Variants in POU3F2 observed in about 807,000 individuals in gnomAD.
POU3F2 encodes the protein POU domain, class 3, transcription factor 2.
In POU3F2, 11 loss-of-function variants were observed where a neutral mutation model predicts 33.1. The observed-to-expected ratio is 0.33, with a 90% CI of 0.21 to 0.55. The LOEUF is 0.55. Among genes scored for constraint, POU3F2 ranks in the 20% least tolerant of loss-of-function variants. The pLI is 0.91. For synonymous variants in POU3F2, 332 were observed against 289.6 expected (o/e 1.15, Z -1.49); for missense variants, 456 against 620.2 (o/e 0.74, Z 2.81).
Position 98,835,950 on chromosome 6 carries a change from C to T in POU3F2, c.1077C>T (p.Thr359=). 2.5e-6 allele frequency: 4 copies of T among 1,614,212 alleles called. No individual in the cohort carries two copies. Among genetic ancestry groups the T allele is most frequent in the Non-Finnish European group, 3.4e-6 (4 of 1,180,034 alleles). ...AAQGRKRKKR[T]SIEVSVKGAL... is the part of the protein sequence containing the mutation. ...AAGGGCGCAAGCGGAAAAAGCGGAC[C>T]TCCATCGAGGTGAGCGTCAAGGGGG... Residue 359 remains threonine, a synonymous_variant, in exon 1 of 1, where the codon ACC becomes ACT. Coordinates refer to ENST00000328345, the MANE Select transcript of POU3F2 (RefSeq NM_005604.4). This position sits in a 1 kb window ranked among gnomAD's most constrained non-coding sequence, Gnocchi z 9.7.
rs1288118226 is a variant in POU3F2 at position 98,837,453 on chromosome 6, C to T, written c.*1248C>T. ...CTTTTTTTTTACATAAAAAAAGACC[C>T]AGGAACTTAATAGTGTATGCATAAG... On this transcript the variant is annotated 3_prime_UTR_variant, in exon 1 of 1. Transcript: ENST00000328345. The T allele has an allele frequency of 6.0e-6, 1 of 166,856 alleles. No homozygotes were observed. The highest frequency in any genetic ancestry group is 1.5e-5 in the Non-Finnish European group (1 of 68,074). 10.3% of individuals were successfully genotyped at this position (166,856 alleles called of 1,614,324 possible).
Position 98,835,395 on chromosome 6 carries a change from A to G in POU3F2, c.522A>G (p.Ala174=). The G allele has an allele frequency of 6.3e-7, 1 of 1,576,682 alleles. No homozygotes were observed. Among genetic ancestry groups the G allele is most frequent in the Non-Finnish European group, 8.6e-7 (1 of 1,164,716 alleles). ...GGGCATGGCGGAGCGCGGCGGCTGC[A>G]GCGCACCTCCCACCCTCCATGGGAG... ...GPGAWRSAAA[A]AHLPPSMGAS... is the part of the protein sequence containing the mutation. The change falls in exon 1 of 1, where the codon GCA becomes GCG. Residue 174 remains alanine (A), a synonymous_variant. Coordinates refer to ENST00000328345, the MANE Select transcript of POU3F2 (RefSeq NM_005604.4). This position sits in a 1 kb window ranked among gnomAD's most constrained non-coding sequence, Gnocchi z 9.7.
rs754005443 is a variant in POU3F2, at chr6:98,835,146, C to T, written c.273C>T (p.Ser91=). 2.1e-4 allele frequency: 280 copies of T among 1,305,850 alleles called. No individual in the cohort carries two copies. The African/African-American group carries it at 3.8e-3, about 18-fold the overall frequency. The allele number at this position is 1,305,850 out of a possible 1,614,324, so 80.9% of individuals were successfully genotyped here. Residue 91 remains serine, a synonymous_variant, in exon 1 of 1, where the codon TCC becomes TCT. Coordinates refer to ENST00000328345, the MANE Select transcript of POU3F2 (RefSeq NM_005604.4). This position sits in a 1 kb window ranked among gnomAD's most constrained non-coding sequence, Gnocchi z 9.7. ...GCGGCGGGGGCGGCGGCGACGGCTC[C>T]CCGTGGTCCACCAGCCCCCTGGGCC... ...GGGGGGGGDG[S]PWSTSPLGQP...
Position 98,838,391 on chromosome 6 carries a change from G to A in POU3F2, c.*2186G>A, listed in dbSNP as rs1456347911. The A allele has an allele frequency of 6.0e-6, 1 of 166,954 alleles. No individual in the cohort carries two copies. Among genetic ancestry groups the A allele is most frequent in the Non-Finnish European group, 1.5e-5 (1 of 68,092 alleles). 10.3% of individuals were successfully genotyped at this position (166,954 alleles called of 1,614,324 possible). On this transcript the variant is annotated 3_prime_UTR_variant, in exon 1 of 1. Coordinates refer to ENST00000328345, the MANE Select transcript of POU3F2 (RefSeq NM_005604.4). The stretch of plus-strand genomic sequence containing the variant: ...TCTACAGCTTCTCTGACTCTTATAG[G>A]TTTACTAAGATGAAAGTTACCACTG...
chr6:98,835,902 G>T lies in POU3F2; in HGVS notation c.1029G>T (p.Thr343=). ...CGGACTCGTCCTCGGGCAGCCCCAC[G>T]AGCATAGACAAGATCGCAGCGCAAG... ...EEADSSSGSP[T]SIDKIAAQGR... The change falls in exon 1 of 1, where the codon ACG becomes ACT. Residue 343 remains threonine, a synonymous_variant. Coordinates refer to ENST00000328345, the MANE Select transcript of POU3F2 (RefSeq NM_005604.4). The surrounding 1 kb of genome is among the most constrained non-coding windows in gnomAD (Gnocchi z 9.7). 6.2e-7 allele frequency: 1 copy of T among 1,614,182 alleles called. No homozygotes were observed. Among genetic ancestry groups the T allele is most frequent in the Non-Finnish European group, 8.5e-7 (1 of 1,180,040 alleles).
chr6:98,834,695 A>C lies in POU3F2; in HGVS notation c.-179A>C. On this transcript the variant is annotated 5_prime_UTR_variant, in exon 1 of 1. Transcript: ENST00000328345. ...GCGGGCGGGAGGCGGCGGCGGCGGC[A>C]GCAGCAGCAGTAATAGCAGGAGCAG... The C allele has an allele frequency of 6.2e-6, 4 of 641,278 alleles. No individual in the cohort carries two copies. The highest frequency in any genetic ancestry group is 1.0e-5 in the Non-Finnish European group (4 of 388,014). 39.7% of individuals were successfully genotyped at this position (641,278 alleles called of 1,614,324 possible).
Position 98,835,361 on chromosome 6 carries a change from C to CGGG in POU3F2, c.489_491dup (p.Gly164dup), listed in dbSNP as rs776646065. ...GTGCACCACGCCGCTAACCACCACC[C>CGGG]GGGACCCGGGGCATGGCGGAGCGCG... On this transcript the variant is annotated inframe_insertion, in exon 1 of 1. Transcript: ENST00000328345. This position sits in a 1 kb window ranked among gnomAD's most constrained non-coding sequence, Gnocchi z 9.7. The CGGG allele has an allele frequency of 6.4e-7, 1 of 1,555,436 alleles. No homozygotes were observed. Among genetic ancestry groups the CGGG allele is most frequent in the South Asian group, 1.2e-5 (1 of 84,214 alleles).
rs1770033604 is a variant in POU3F2 at position 98,838,711 on chromosome 6, GA to G, written c.*2510del. 1.2e-5 allele frequency: 2 copies of G among 164,896 alleles called. No individual in the cohort carries two copies. The highest frequency in any genetic ancestry group is 4.1e-4 in the South Asian group (2 of 4,824). 10.2% of individuals were successfully genotyped at this position (164,896 alleles called of 1,614,324 possible). ...TGGTACATTTGGTTGTGCTTGTGGG[GA>G]AAATAAAAACGCAGAGATCCTTATA... On this transcript the variant is annotated 3_prime_UTR_variant, in exon 1 of 1. Transcript: ENST00000328345.
In POU3F2 at chr6:98,835,770, T is replaced by C; in HGVS notation, c.897T>C (p.Tyr299=). The C allele has an allele frequency of 1.2e-6, 2 of 1,614,116 alleles. No homozygotes were observed. The highest frequency in any genetic ancestry group is 1.7e-6 in the Non-Finnish European group (2 of 1,180,024). Residue 299 remains tyrosine (Y), a synonymous_variant, in exon 1 of 1, where the codon TAT becomes TAC. Transcript: ENST00000328345. The surrounding 1 kb of genome is among the most constrained non-coding windows in gnomAD (Gnocchi z 9.7). ...TGGGGCTGGCTCTGGGCACCCTGTA[T>C]GGCAACGTGTTCTCGCAGACCACCA... ...ADVGLALGTL[Y]GNVFSQTTIC... is the part of the protein sequence containing the mutation.
In POU3F2 at chr6:98,835,065, G is replaced by A; in HGVS notation, c.192G>A (p.Ala64=). ...GCCACGCTCACCAGTGGATCACCGCGCTGTCCCACGGCGGCGGCGGCGGGG... is the reference window on the plus strand; with the variant it reads ...GCCACGCTCACCAGTGGATCACCGCACTGTCCCACGGCGGCGGCGGCGGGG... ...PLSHAHQWIT[A]LSHGGGGGGG... Residue 64 remains alanine, a synonymous_variant, in exon 1 of 1, where the codon GCG becomes GCA. Transcript: ENST00000328345. The surrounding 1 kb of genome is among the most constrained non-coding windows in gnomAD (Gnocchi z 9.7). 5 of 1,276,042 alleles carry A rather than the reference G, an allele frequency of 3.9e-6. No homozygotes were observed. The highest frequency in any genetic ancestry group is 2.9e-5 in the East Asian group (1 of 34,272). The allele number at this position is 1,276,042 out of a possible 1,614,324, so 79.0% of individuals were successfully genotyped here.
rs367580619 is a variant in POU3F2 at position 98,834,860 on chromosome 6, C to T, written c.-14C>T. The T allele has an allele frequency of 1.1e-5, 17 of 1,594,596 alleles. No homozygotes were observed. Among genetic ancestry groups the T allele is most frequent in the Non-Finnish European group, 1.4e-5 (17 of 1,177,226 alleles). ...GCTCCTTTAACCGGAGCGCTCAGTC[C>T]GGCTCCGAGAGTCATGGCGACCGCA... On this transcript the variant is annotated 5_prime_UTR_variant, in exon 1 of 1. Transcript: ENST00000328345.
rs1216644371 is a variant in POU3F2, at chr6:98,834,701, A to T, written c.-173A>T. On this transcript the variant is annotated 5_prime_UTR_variant, in exon 1 of 1. Transcript: ENST00000328345. ...GGGAGGCGGCGGCGGCGGCAGCAGC[A>T]GCAGTAATAGCAGGAGCAGCAACAG... is the stretch of plus-strand genomic sequence containing the variant. 3 of 677,546 alleles carry T rather than the reference A, an allele frequency of 4.4e-6. No individual in the cohort carries two copies. Among genetic ancestry groups the T allele is most frequent in the Non-Finnish European group, 7.2e-6 (3 of 415,528 alleles). 42.0% of individuals were successfully genotyped at this position (677,546 alleles called of 1,614,324 possible). A position where few individuals can be genotyped will look rare whatever the true frequency, so the allele number is the denominator to read the frequency against.
At position 98,835,664 on chromosome 6, in the gene POU3F2, C is replaced by T; in HGVS notation, c.791C>T (p.Thr264Met). The change falls in exon 1 of 1, where the codon ACG becomes ATG. Residue 264 changes from threonine to methionine, a missense_variant. Coordinates refer to ENST00000328345, the MANE Select transcript of POU3F2 (RefSeq NM_005604.4). The surrounding 1 kb of genome is among the most constrained non-coding windows in gnomAD (Gnocchi z 9.7). ...AHHDPHSDED[T>M]PTSDDLEQFA... ...CACGACCCGCACTCGGACGAGGACA[C>T]GCCGACCTCGGACGACCTGGAGCAG... 1 of 1,613,428 alleles carries T rather than the reference C, an allele frequency of 6.2e-7. No individual in the cohort carries two copies. The highest frequency in any genetic ancestry group is 8.5e-7 in the Non-Finnish European group (1 of 1,179,930).
Position 98,837,655 on chromosome 6 carries a change from T to C in POU3F2, c.*1450T>C, listed in dbSNP as rs1262673379. On this transcript the variant is annotated 3_prime_UTR_variant, in exon 1 of 1. Coordinates refer to ENST00000328345, the MANE Select transcript of POU3F2 (RefSeq NM_005604.4). ...TTGACTTGGACAGCTTTCTGCCCCC[T>C]CTTTCACTAAGGAAGGCAAATGAAG... is the stretch of plus-strand genomic sequence containing the variant. 2 of 163,538 alleles carry C rather than the reference T, an allele frequency of 1.2e-5. No homozygotes were observed. The highest frequency in any genetic ancestry group is 2.5e-5 in the African/African-American group (1 of 39,774). The allele number at this position is 163,538 out of a possible 1,614,324, so 10.1% of individuals were successfully genotyped here. A position where few individuals can be genotyped will look rare whatever the true frequency, so the allele number is the denominator to read the frequency against.
rs1174437108 is a variant in POU3F2 at position 98,835,077 on chromosome 6, C to T, written c.204C>T (p.Gly68=). The T allele has an allele frequency of 1.7e-6, 2 of 1,201,112 alleles. No homozygotes were observed. Among genetic ancestry groups the T allele is most frequent in the African/African-American group, 1.6e-5 (1 of 61,916 alleles). The allele number at this position is 1,201,112 out of a possible 1,614,324, so 74.4% of individuals were successfully genotyped here. The change falls in exon 1 of 1, where the codon GGC becomes GGT. Residue 68 remains glycine (G), a synonymous_variant. Transcript: ENST00000328345. The surrounding 1 kb of genome is among the most constrained non-coding windows in gnomAD (Gnocchi z 9.7). ...AHQWITALSH[G]GGGGGGGGGG... is the part of the protein sequence containing the mutation. ...AGTGGATCACCGCGCTGTCCCACGG[C>T]GGCGGCGGCGGGGGCGGTGGCGGCG...
rs1216644371 is a variant in POU3F2 at position 98,834,701 on chromosome 6, A to G, written c.-173A>G. ...GGGAGGCGGCGGCGGCGGCAGCAGCAGCAGTAATAGCAGGAGCAGCAACAG... is the reference window on the plus strand; with the variant it reads ...GGGAGGCGGCGGCGGCGGCAGCAGCGGCAGTAATAGCAGGAGCAGCAACAG... On this transcript the variant is annotated 5_prime_UTR_variant, in exon 1 of 1. Transcript: ENST00000328345. The G allele has an allele frequency of 7.4e-6, 5 of 677,546 alleles. No individual in the cohort carries two copies. Among genetic ancestry groups the G allele is most frequent in the Non-Finnish European group, 1.2e-5 (5 of 415,528 alleles). The allele number at this position is 677,546 out of a possible 1,614,324, so 42.0% of individuals were successfully genotyped here. A position where few individuals can be genotyped will look rare whatever the true frequency, so the allele number is the denominator to read the frequency against.
rs748832920 is a variant in POU3F2 at position 98,835,344 on chromosome 6, C to T, written c.471C>T (p.His157=). 3.2e-6 allele frequency: 5 copies of T among 1,546,498 alleles called. No individual in the cohort carries two copies. In the South Asian group the frequency reaches 4.8e-5, roughly 15 times the overall value. Residue 157 remains histidine, a synonymous_variant, in exon 1 of 1, where the codon CAC becomes CAT. Coordinates refer to ENST00000328345, the MANE Select transcript of POU3F2 (RefSeq NM_005604.4). The surrounding 1 kb of genome is among the most constrained non-coding windows in gnomAD (Gnocchi z 9.7). ...AGCGGCCGCCGCATCTGGTGCACCACGCCGCTAACCACCACCCGGGACCCG... is the reference window on the plus strand; with the variant it reads ...AGCGGCCGCCGCATCTGGTGCACCATGCCGCTAACCACCACCCGGGACCCG... ...QQQRPPHLVH[H]AANHHPGPGA...
rs1770021710 is a variant in POU3F2 at position 98,837,913 on chromosome 6, T to G, written c.*1708T>G. On this transcript the variant is annotated 3_prime_UTR_variant, in exon 1 of 1. Transcript: ENST00000328345. ...AAAAGGGCGCTAAAAGGGAAAACAC[T>G]TTTTATTAATCTTAAAAGTTTGGGG... The G allele has an allele frequency of 6.0e-6, 1 of 166,682 alleles. No homozygotes were observed. Among genetic ancestry groups the G allele is most frequent in the East Asian group, 1.9e-4 (1 of 5,198 alleles). The allele number at this position is 166,682 out of a possible 1,614,324, so 10.3% of individuals were successfully genotyped here.
In POU3F2 at chr6:98,838,327, C is replaced by T. The variant is rs991047406; in HGVS notation, c.*2122C>T. ...AAATGAATTTCCAGATACTTATTAC[C>T]AAGTAGGTAAGGTCAGAAGCTGGAG... is the stretch of plus-strand genomic sequence containing the variant. On this transcript the variant is annotated 3_prime_UTR_variant, in exon 1 of 1. Transcript: ENST00000328345. The T allele has an allele frequency of 4.8e-5, 8 of 166,950 alleles. No individual in the cohort carries two copies. The highest frequency in any genetic ancestry group is 1.7e-4 in the African/African-American group (7 of 41,380). 10.3% of individuals were successfully genotyped at this position (166,950 alleles called of 1,614,324 possible).
Sources: allele counts gnomAD v4.1 joint callset, GRCh38; gene constraint gnomAD v4.1.1; non-coding constraint Gnocchi (gnomAD v3.1); transcripts MANE v1.5; gene names NCBI Gene and HGNC (gene_info 2026-07-23, HGNC 2026-07-21).